The following ADAM10 variants were observed in gnomAD, a reference collection of about 807,000 sequenced individuals.
ADAM10 encodes disintegrin and metalloproteinase domain-containing protein 10.
ADAM10 carries 17 observed loss-of-function variants against 90.1 expected under a neutral mutation model. That is an observed-to-expected ratio of 0.19 (90% confidence interval 0.13 to 0.28). The LOEUF (loss-of-function observed/expected upper bound fraction) is 0.28. Among genes scored for constraint, ADAM10 ranks in the 10% least tolerant of loss-of-function variants. ADAM10 has a pLI of 1.00. For missense variants in ADAM10, 610 were observed against 914.3 expected (o/e 0.67, Z 4.29); for synonymous variants, 310 against 298.6 (o/e 1.04, Z -0.40).
At chr15:58,662,789 A>G (rs986611668) in intron 5 of ADAM10, among the ~76,000 whole-genome samples, 39 of 152,228 alleles carry the variant, frequency 2.6e-4, no homozygotes, top group African/African-American at 9.2e-4. Context: ...ACACCTGTGC[A>G]GATATCTGGA....
At chr15:58,612,753 C>T (rs551057268) in intron 11 of ADAM10, among the ~76,000 whole-genome samples, 274 of 152,312 alleles carry the variant, frequency 1.8e-3, no homozygotes, top group African/African-American at 6.2e-3. Context: ...GACCCAAGCC[C>T]GGGCTATACC....
chr15:58,628,570 CAGCAT>C (rs1896014838), intron 9 of ADAM10, among the ~76,000 whole-genome samples: 1 of 152,240 alleles, frequency 6.6e-6, no homozygotes, highest in East Asian at 1.9e-4. Context: ...CAGATACATA[CAGCAT>C]AGCTCCCTGA....
intron 7 of ADAM10, among the ~76,000 whole-genome samples, chr15:58,641,982 A>G (rs1896428660): frequency 6.6e-6 from 1 of 152,218 alleles, no homozygotes; most frequent in East Asian, 1.9e-4. Flanking sequence ...AGATTTCAGA[A>G]CATCTGGTTT....
At chr15:58,653,282 C>T (rs973722206) in intron 5 of ADAM10, among the ~76,000 whole-genome samples, 22 of 152,164 alleles carry the variant, frequency 1.4e-4, no homozygotes, top group African/African-American at 5.1e-4. Flanking sequence ...AGAAGGCATC[C>T]TTCTTGTGTT....
chr15:58,656,380 G>C (rs1052431702), intron 5 of ADAM10, among the ~76,000 whole-genome samples: 9 of 150,976 alleles, frequency 6.0e-5, no homozygotes, highest in African/African-American at 9.7e-5. Context: ...GTTGTTTTGC[G>C]GCCTTCTCTT....
chr15:58,705,809 G>A (rs1362669759), intron 2 of ADAM10, among the ~76,000 whole-genome samples: 1 of 152,168 alleles, frequency 6.6e-6, no homozygotes, highest in Non-Finnish European at 1.5e-5. Flanking sequence ...CTGAAAATAG[G>A]TGAGTACAGG....
chr15:58,685,510 C>T (rs1361082213), intron 2 of ADAM10, among the ~76,000 whole-genome samples: 1 of 137,368 alleles, frequency 7.3e-6, no homozygotes, highest in South Asian at 2.3e-4. Context: ...GAATATAGTA[C>T]GTTACCTTTT....
intron 1 of ADAM10, among the ~76,000 whole-genome samples, chr15:58,729,958 T>TAAAAA (rs776357246): frequency 1.2e-4 from 14 of 118,430 alleles, no homozygotes; most frequent in South Asian, 6.3e-4. Flanking sequence ...CGAGGCTCTG[T>TAAAAA]AAAAAAAAAC....
chr15:58,691,210 G>T, intron 2 of ADAM10: 1 of 777,034 alleles, frequency 1.3e-6, no homozygotes, highest in Non-Finnish European at 2.3e-6. Context: ...AGCCTGCAGA[G>T]GTTCTCAAAC....
chr15:58,601,668 T>C (rs1158401232), intron 14 of ADAM10, among the ~76,000 whole-genome samples: 1 of 152,148 alleles, frequency 6.6e-6, no homozygotes, highest in African/African-American at 2.4e-5. Flanking sequence ...TCAGACCCCA[T>C]TCAGGTTTTG....
chr15:58,627,146 T>A (rs1444278719), intron 10 of ADAM10, among the ~76,000 whole-genome samples: 1 of 152,170 alleles, frequency 6.6e-6, no homozygotes, highest in East Asian at 1.9e-4. Flanking sequence ...ATCTCAAAGC[T>A]GTATACTGAG....
intron 5 of ADAM10, among the ~76,000 whole-genome samples, chr15:58,650,617 T>C (rs540510145): frequency 6.6e-6 from 1 of 152,262 alleles, no homozygotes; most frequent in African/African-American, 2.4e-5. Flanking sequence ...AAGACACACC[T>C]GGAGAAAAGG....
intron 2 of ADAM10, among the ~76,000 whole-genome samples, chr15:58,699,525 G>A (rs954421592): frequency 3.9e-5 from 6 of 152,078 alleles, no homozygotes; most frequent in Admixed American, 6.6e-5. Flanking sequence ...TTGGGAGGCC[G>A]AAACAGGCAG....
intron 11 of ADAM10, among the ~76,000 whole-genome samples, chr15:58,621,050 T>TA (rs1204252614): frequency 1.3e-5 from 2 of 151,888 alleles, no homozygotes; most frequent in African/African-American, 4.8e-5. Context: ...AAATTACTAT[T>TA]AAAAGTAGTC....
At chr15:58,655,683 T>C (rs1426122817) in intron 5 of ADAM10, among the ~76,000 whole-genome samples, 1 of 89,194 alleles carries the variant, frequency 1.1e-5, no homozygotes, top group Non-Finnish European at 1.9e-5. Context: ...CATACATATA[T>C]ATATTATATA....
chr15:58,737,923 T>C (rs1277486525), intron 1 of ADAM10, among the ~76,000 whole-genome samples: 5 of 152,206 alleles, frequency 3.3e-5, no homozygotes, highest in African/African-American at 9.7e-5. Flanking sequence ...AGAAATATCA[T>C]ATAACAAGCA....
chr15:58,698,505 G>C (rs996928281), intron 2 of ADAM10: 8 of 227,076 alleles, frequency 3.5e-5, no homozygotes, highest in Admixed American at 1.1e-4. Flanking sequence ...CAGCCCAGAA[G>C]GCAGAGGTTG....
intron 4 of ADAM10, among the ~76,000 whole-genome samples, chr15:58,666,403 G>T (rs1439524185): frequency 6.6e-6 from 1 of 151,716 alleles, no homozygotes; most frequent in Non-Finnish European, 1.5e-5. Flanking sequence ...CAAAAGTCAT[G>T]ATCTATAACC....
chr15:58,654,746 C>T (rs1482510789), intron 5 of ADAM10, among the ~76,000 whole-genome samples: 1 of 152,174 alleles, frequency 6.6e-6, no homozygotes, highest in African/African-American at 2.4e-5. Context: ...TTTTTTCACT[C>T]ACCTATCGGT....
Sources: allele counts gnomAD v4.1 joint callset (sites outside exome capture counted in the v4.1 genomes callset), GRCh38; gene constraint gnomAD v4.1.1; transcripts MANE v1.5; gene names NCBI Gene and HGNC (gene_info 2026-07-23, HGNC 2026-07-21).